Variants in CDKL1 observed in about 807,000 individuals in gnomAD.
The protein encoded by CDKL1 is cyclin-dependent kinase-like 1.
In CDKL1, 41 loss-of-function variants were observed where a neutral mutation model predicts 42.0. That is an observed-to-expected ratio of 0.98 (90% CI 0.76 to 1.27). The LOEUF is 1.27. Ranked by LOEUF, CDKL1 falls within the 50% of genes most tolerant of loss-of-function variation. The probability of loss-of-function intolerance (pLI) is 0.00; values close to 1 mark genes in which losing one functional copy is unlikely to be tolerated. For synonymous variants in CDKL1, 153 were observed against 158.6 expected, an observed-to-expected ratio of 0.96 and a Z score of 0.26; for missense variants, 394 against 428.4, an observed-to-expected ratio of 0.92 and a Z score of 0.71.
intron 3 of CDKL1, among the ~76,000 whole-genome samples, chr14:50,351,237 AC>A (rs1159862217): frequency 2.6e-5 from 4 of 152,280 alleles, no homozygotes; most frequent in African/African-American, 9.6e-5. Flanking sequence ...GAATCTGACC[AC>A]AGAGAAATGC....
intron 2 of CDKL1, chr14:50,390,428 G>A (rs1595380328): frequency 1.5e-6 from 2 of 1,317,074 alleles, no homozygotes; most frequent in Non-Finnish European, 2.0e-6. Context: ...CAGAGAGAAG[G>A]TTCAGCAGCA....
chr14:50,363,071 T>A (rs773483959), intron 2 of CDKL1: 1 of 393,888 alleles, frequency 2.5e-6, no homozygotes, highest in South Asian at 1.8e-5. Context: ...ACACACTGCC[T>A]TAAGAGCTGT....
At chr14:50,391,046 G>T (rs1438219778) in intron 2 of CDKL1, among the ~76,000 whole-genome samples, 1 of 152,088 alleles carries the variant, frequency 6.6e-6, no homozygotes, top group Admixed American at 6.6e-5. Context: ...CGTTGCCCCT[G>T]CTGGTCTTGA....
At chr14:50,368,629 T>A (rs2034497491) in intron 2 of CDKL1, among the ~76,000 whole-genome samples, 1 of 152,206 alleles carries the variant, frequency 6.6e-6, no homozygotes, top group Non-Finnish European at 1.5e-5. Flanking sequence ...TTCTGTGACA[T>A]TAAAAAAAGG....
At chr14:50,384,271 A>T (rs2139526251) in intron 2 of CDKL1, among the ~76,000 whole-genome samples, 1 of 152,352 alleles carries the variant, frequency 6.6e-6, no homozygotes. Context: ...CCAATCCCTA[A>T]GGCCCCAAAC....
intron 7 of CDKL1, chr14:50,336,329 C>T: frequency 1.8e-6 from 2 of 1,099,538 alleles, no homozygotes; most frequent in Non-Finnish European, 2.3e-6. Context: ...AAGCTTCTTA[C>T]ATTTATGAAA....
At chr14:50,347,316 T>C (rs1021860783) in intron 3 of CDKL1, among the ~76,000 whole-genome samples, 2 of 152,040 alleles carry the variant, frequency 1.3e-5, no homozygotes, top group African/African-American at 4.8e-5. Context: ...GAAAAATAGA[T>C]AGAATATATT....
intron 3 of CDKL1, among the ~76,000 whole-genome samples, chr14:50,347,648 G>A (rs1381057750): frequency 6.6e-6 from 1 of 152,192 alleles, no homozygotes; most frequent in East Asian, 1.9e-4. Flanking sequence ...GGAAGGGAAT[G>A]CTTACTGGAC....
intron 2 of CDKL1, among the ~76,000 whole-genome samples, chr14:50,375,762 G>A (rs1173535404): frequency 5.9e-5 from 9 of 151,616 alleles, no homozygotes; most frequent in Admixed American, 1.3e-4. Context: ...GTGCCACTGC[G>A]CTCCAGCCTG....
chr14:50,363,432 A>C (rs2034341961), intron 2 of CDKL1: 1 of 152,536 alleles, frequency 6.6e-6, no homozygotes, highest in Non-Finnish European at 1.5e-5. Flanking sequence ...ATTGACTAAG[A>C]TGTCTCAACC....
chr14:50,336,212 G>C, intron 7 of CDKL1: 2 of 1,340,362 alleles, frequency 1.5e-6, no homozygotes, highest in South Asian at 2.3e-5. Context: ...TTACTGACAG[G>C]CAGAGGGACT....
At position 50,330,011 on chromosome 14, in the gene CDKL1, T is replaced by C; in HGVS notation, c.*63A>G. The stretch of plus-strand genomic sequence containing the variant: ...TTGTAATTGTTTTCAATCAACTGTA[T>C]AAGTTTTATTTTCTTCAAAGCATCT... On this transcript the variant is annotated 3_prime_UTR_variant, in exon 10 of 10. Transcript: ENST00000395834. 6 of 1,560,520 alleles carry C rather than the reference T, an allele frequency of 3.8e-6. No individual in the cohort carries two copies. The highest frequency in any genetic ancestry group is 5.2e-6 in the Non-Finnish European group (6 of 1,155,234).
intron 4 of CDKL1, chr14:50,342,607 A>G (rs538273809): frequency 5.7e-5 from 13 of 228,350 alleles, no homozygotes; most frequent in Non-Finnish European, 1.0e-4. Context: ...CTGAAATTCA[A>G]ATTTAACAGG....
At chr14:50,378,257 C>A (rs1440438937) in intron 2 of CDKL1, 5 of 1,366,542 alleles carry the variant, frequency 3.7e-6, no homozygotes. Flanking sequence ...TTCTACCCCA[C>A]CTCCTTCTAG....
chr14:50,396,210 A>AAAAGAAAG lies in CDKL1; in HGVS notation c.-350_-343dup, dbSNP rs1235768428. On this transcript the variant is annotated 5_prime_UTR_variant, in exon 2 of 10. Coordinates refer to ENST00000395834, the MANE Select transcript of CDKL1 (RefSeq NM_004196.7). ...CAAAAAAAAAAAAAAAAAAAAAAAA[A>AAAAGAAAG]AAAGAAAGAAAGAAAAGAAAAGAAA... is the stretch of plus-strand genomic sequence containing the variant. 7.0e-6 allele frequency: 7 copies of AAAAGAAAG among 998,970 alleles called. No homozygotes were observed. Among genetic ancestry groups the AAAAGAAAG allele is most frequent in the African/African-American group, 1.9e-5 (1 of 52,796 alleles). 61.9% of individuals were successfully genotyped at this position (998,970 alleles called of 1,614,324 possible). A position where few individuals can be genotyped will look rare whatever the true frequency, so the allele number is the denominator to read the frequency against.
intron 8 of CDKL1, chr14:50,334,023 C>A (rs1053432597): frequency 6.6e-6 from 1 of 151,902 alleles, no homozygotes; most frequent in South Asian, 2.1e-4. Flanking sequence ...TCACCACCCC[C>A]CTGAAATTTC....
intron 1 of CDKL1, 142 bp downstream of exon 1, chr14:50,396,681 AC>A (rs1555346440): frequency 6.1e-6 from 1 of 163,074 alleles, no homozygotes; most frequent in Non-Finnish European, 1.3e-5. Context: ...CAGGAGACCA[AC>A]CCGCGCCCCG....
chr14:50,378,100 T>G, intron 2 of CDKL1: 1 of 1,267,884 alleles, frequency 7.9e-7, no homozygotes, highest in South Asian at 1.3e-5. Context: ...GAATCTGAAA[T>G]TCTCAAATTT....
In CDKL1 at chr14:50,355,940, A is replaced by G. The variant is rs910212279; in HGVS notation, c.290+3088T>C. On this transcript the variant is annotated intron_variant, in intron 3 of 9. Coordinates refer to ENST00000395834, the MANE Select transcript of CDKL1 (RefSeq NM_004196.7). Reference sequence around the variant, plus strand: ...GGTGGTAGAGTGAGTAAGATCTTGTATCTCATGCTGGGGGGATTTCCCCAT... The same window carrying G: ...GGTGGTAGAGTGAGTAAGATCTTGTGTCTCATGCTGGGGGGATTTCCCCAT... Among the ~76,000 whole-genome samples the G allele has an allele frequency of 1.2e-4, 18 of 152,192 alleles. 1 individual carries two copies. Among genetic ancestry groups the G allele is most frequent in the Admixed American group, 5.2e-4 (8 of 15,280 alleles).
Sources: allele counts gnomAD v4.1 joint callset (sites outside exome capture counted in the v4.1 genomes callset), GRCh38; gene constraint gnomAD v4.1.1; transcripts MANE v1.5; gene names NCBI Gene and HGNC (gene_info 2026-07-23, HGNC 2026-07-21).